Variants in RGS12 observed in about 807,000 individuals in gnomAD.
The protein encoded by RGS12 is regulator of G-protein signaling 12.
A neutral mutation model predicts 120.1 loss-of-function variants in RGS12; 66 were observed. The ratio of observed to expected loss-of-function variants is 0.55; its 90% CI spans 0.45 to 0.67. The LOEUF (loss-of-function observed/expected upper bound fraction) is 0.67. Ranked by LOEUF, RGS12 falls within the 30% of genes least tolerant of loss-of-function variation. The pLI, the probability that RGS12 is intolerant of heterozygous loss-of-function variation, is 0.00. For synonymous variants in RGS12, 827 were observed against 804.7 expected (o/e 1.03, Z -0.47); for missense variants, 1,859 against 1,957.7 (o/e 0.95, Z 0.95).
At chr4:3,361,200 A>G (rs1407753680) in intron 3 of RGS12, among the ~76,000 whole-genome samples, 1 of 152,184 alleles carries the variant, frequency 6.6e-6, no homozygotes, top group Non-Finnish European at 1.5e-5. Flanking sequence ...AAATCTGGAA[A>G]CAGGCAAGAC....
chr4:3,302,337 G>GGC (rs1723731923), intron 1 of RGS12, among the ~76,000 whole-genome samples: 1 of 151,724 alleles, frequency 6.6e-6, no homozygotes. Context: ...GGGTCAGGTT[G>GGC]GCGCCTGTGA....
At chr4:3,375,811 G>C (rs186826363) in intron 3 of RGS12, among the ~76,000 whole-genome samples, 2 of 152,256 alleles carry the variant, frequency 1.3e-5, no homozygotes, top group African/African-American at 4.8e-5. Context: ...GCTGTGTTAC[G>C]CCAGTCCCTG....
intron 3 of RGS12, among the ~76,000 whole-genome samples, chr4:3,369,232 A>C (rs1397055070): frequency 2.0e-5 from 3 of 152,210 alleles, no homozygotes; most frequent in Non-Finnish European, 2.9e-5. Flanking sequence ...GCTCCTGAGA[A>C]AAGCCTTCTA....
chr4:3,341,984 G>T (rs1713279864), intron 2 of RGS12, among the ~76,000 whole-genome samples: 1 of 151,414 alleles, frequency 6.6e-6, no homozygotes, highest in Non-Finnish European at 1.5e-5. Context: ...CTGAGGACAT[G>T]ATGGGGTGTG....
intron 2 of RGS12, among the ~76,000 whole-genome samples, chr4:3,335,232 G>A (rs1156818634): frequency 1.3e-5 from 2 of 152,096 alleles, no homozygotes; most frequent in East Asian, 1.9e-4. Context: ...TTCACAAAAC[G>A]TGCTTTGCTA....
chr4:3,418,135 A>G (rs1466538383), intron 9 of RGS12: 1 of 152,248 alleles, frequency 6.6e-6, no homozygotes, highest in African/African-American at 2.4e-5. Context: ...TTTTCTTCGC[A>G]CATCTGAGAC....
At position 3,417,056 on chromosome 4, in the gene RGS12, C is replaced by T. The variant is rs780621087; in HGVS notation, c.2571C>T (p.Leu857=). The part of the protein sequence containing the change: ...VPSSPASKHS[L]GSDHSSVSTP... ...GCAGCCCGGCTTCCAAGCACAGCCT[C>T]GGTTCAGACCACTCCAGTGTGTCCA... Residue 857 remains leucine (L), a synonymous_variant, in exon 8 of 18, where the codon CTC becomes CTT. Transcript: ENST00000336727. The T allele has an allele frequency of 1.5e-5, 24 of 1,611,806 alleles. No individual in the cohort carries two copies. The highest frequency in any genetic ancestry group is 1.6e-4 in the Middle Eastern group (1 of 6,074).
chr4:3,298,345 ATGTT>A (rs1215369233), intron 1 of RGS12, among the ~76,000 whole-genome samples: 2 of 151,172 alleles, frequency 1.3e-5, no homozygotes, highest in African/African-American at 4.9e-5. Flanking sequence ...GATCTCTTTG[ATGTT>A]TGTTCAATTT....
At chr4:3,299,197 GTC>G (rs1220958405) in intron 1 of RGS12, among the ~76,000 whole-genome samples, 1 of 151,894 alleles carries the variant, frequency 6.6e-6, no homozygotes, top group Admixed American at 6.6e-5. Flanking sequence ...GGACTCTGGG[GTC>G]TCTCTGTGCA....
chr4:3,420,662 G>C lies in RGS12; in HGVS notation c.2782G>C (p.Gly928Arg). Residue 928 changes from glycine (G) to arginine (R), a missense_variant, in exon 10 of 18, where the codon GGC (glycine) becomes CGC (arginine). This residue lies in a region of RGS12 where 375 missense variants were observed against 475.0 expected (regional missense o/e 0.79). Coordinates refer to ENST00000336727, the MANE Select transcript of RGS12 (RefSeq NM_001394154.1). ...TCAAGACGCCCTGCATGCCAATGGA[G>C]GCCTGTGTCGCCGAGAGTCGCAGGG... ...HADDALHANG[G>R]LCRRESQGSV... is the part of the protein sequence containing the mutation. The C allele has an allele frequency of 8.7e-6, 14 of 1,613,606 alleles. No individual in the cohort carries two copies. Among genetic ancestry groups the C allele is most frequent in the Non-Finnish European group, 1.0e-5 (12 of 1,180,044 alleles).
intron 9 of RGS12, among the ~76,000 whole-genome samples, chr4:3,420,155 G>A (rs1040721543): frequency 1.3e-5 from 2 of 152,240 alleles, no homozygotes; most frequent in Non-Finnish European, 2.9e-5. Flanking sequence ...GGAAAAGGAC[G>A]TGGACCGAGT....
At chr4:3,303,788 A>G (rs1203924586) in intron 1 of RGS12, among the ~76,000 whole-genome samples, 1 of 152,260 alleles carries the variant, frequency 6.6e-6, no homozygotes, top group Non-Finnish European at 1.5e-5. Context: ...TCAACTTTAT[A>G]TGACTTTCTG....
intron 2 of RGS12, among the ~76,000 whole-genome samples, chr4:3,321,362 C>T (rs1329806979): frequency 1.3e-5 from 2 of 152,130 alleles, no homozygotes; most frequent in East Asian, 1.9e-4. Context: ...CCAGGAAAAA[C>T]GATGTGGGAC....
chr4:3,342,611 G>A lies in RGS12; in HGVS notation c.1882-326G>A, dbSNP rs765789465. 3.8e-5 allele frequency: 50 copies of A among 1,318,264 alleles called. No homozygotes were observed. In the South Asian group the frequency reaches 3.9e-4, roughly 10 times the overall value. The allele number at this position is 1,318,264 out of a possible 1,614,324, so 81.7% of individuals were successfully genotyped here. ...GTCCACTTTCCAAGCACCCTTGCAC[G>A]TGATTTCATTTGATCTGGGTAACAG... On this transcript the variant is annotated intron_variant, in intron 2 of 17. Coordinates refer to ENST00000336727, the MANE Select transcript of RGS12 (RefSeq NM_001394154.1).
chr4:3,317,941 G>C lies in RGS12; in HGVS notation c.1771G>C (p.Ala591Pro). Reference protein sequence around the residue: ...ADRYRVEGSFAQPPLNAPKRE... With the variant: ...ADRYRVEGSFPQPPLNAPKRE... ...CCGCTACAGGGTGGAGGGCAGCTTCGCGCAGCCCCCGCTGAATGCCCCGAA... is the reference window on the plus strand; with the variant it reads ...CCGCTACAGGGTGGAGGGCAGCTTCCCGCAGCCCCCGCTGAATGCCCCGAA... Residue 591 changes from alanine to proline, a missense_variant, in exon 2 of 18, where the codon GCG (alanine) becomes CCG (proline). Coordinates refer to ENST00000336727, the MANE Select transcript of RGS12 (RefSeq NM_001394154.1). 1 of 1,614,190 alleles carries C rather than the reference G, an allele frequency of 6.2e-7. No individual in the cohort carries two copies. The highest frequency in any genetic ancestry group is 1.1e-5 in the South Asian group (1 of 91,086).
rs145536624 is a variant in RGS12, at chr4:3,375,187, G to A, written c.1999-11229G>A. Among the ~76,000 whole-genome samples, 144 of 152,248 alleles carry A rather than the reference G, an allele frequency of 9.5e-4. 1 individual carries two copies. Among genetic ancestry groups the A allele is most frequent in the Middle Eastern group, 6.8e-3 (2 of 294 alleles). ...CACGGGAGGTCATTTTGAGACAGTC[G>A]CTGAGTCTTGGTTCATATGAGGAAA... On this transcript the variant is annotated intron_variant, in intron 3 of 17. Transcript: ENST00000336727.
intron 9 of RGS12, chr4:3,420,356 G>A (rs1722870685): frequency 3.8e-6 from 2 of 526,924 alleles, no homozygotes; most frequent in Admixed American, 3.3e-5. Flanking sequence ...CACCTGCCAT[G>A]AGCCAAGCAT....
intron 3 of RGS12, among the ~76,000 whole-genome samples, chr4:3,360,868 A>G (rs1426498967): frequency 6.6e-6 from 1 of 152,208 alleles, no homozygotes; most frequent in African/African-American, 2.4e-5. Context: ...CACAGTGGGC[A>G]AGGGATTTGA....
rs369378130 is a variant in RGS12 at position 3,415,907 on chromosome 4, G to A, written c.2284-71G>A. The A allele has an allele frequency of 6.8e-4, 1,032 of 1,509,316 alleles. 6 individuals carry two copies. The African/African-American group carries it at 8.6e-3, about 13-fold the overall frequency. The allele number at this position is 1,509,316 out of a possible 1,614,324, so 93.5% of individuals were successfully genotyped here. A position where few individuals can be genotyped will look rare whatever the true frequency, so the allele number is the denominator to read the frequency against. On this transcript the variant is annotated intron_variant, in intron 6 of 17. Transcript: ENST00000336727. ...CACATCTGTAGAGCCCGGGGGTGTC[G>A]GGCCTTGGCAGGCAGCAGGAGTGCG... is the stretch of plus-strand genomic sequence containing the variant.
Sources: allele counts gnomAD v4.1 joint callset (sites outside exome capture counted in the v4.1 genomes callset), GRCh38; gene constraint gnomAD v4.1.1; regional missense constraint gnomAD v4.1.1; transcripts MANE v1.5; gene names NCBI Gene and HGNC (gene_info 2026-07-23, HGNC 2026-07-21).